TEAD1: variants seen among roughly 807,000 people sequenced by gnomAD.
TEAD1 encodes TEA domain transcription factor 1.
A neutral mutation model predicts 54.9 loss-of-function variants in TEAD1; 9 were observed. The observed-to-expected ratio is 0.16, with a 90% CI of 0.10 to 0.29. TEAD1 has a LOEUF of 0.29. Ranked by LOEUF, TEAD1 falls within the 10% of genes least tolerant of loss-of-function variation. The pLI is 1.00. For synonymous variants in TEAD1, 200 were observed against 187.8 expected, an observed-to-expected ratio of 1.07 and a Z score of -0.53; for missense variants, 387 against 535.9, an observed-to-expected ratio of 0.72 and a Z score of 2.74.
chr11:12,881,076 T>G (rs761116266), intron 7 of TEAD1, 25 bp downstream of exon 7: 2 of 1,613,716 alleles, frequency 1.2e-6, no homozygotes, highest in Non-Finnish European at 1.7e-6. Context: ...GGGTGGGCAC[T>G]GACAACTACG....
intron 3 of TEAD1, among the ~76,000 whole-genome samples, chr11:12,812,463 A>G (rs1946322978): frequency 6.6e-6 from 1 of 152,196 alleles, no homozygotes; most frequent in Non-Finnish European, 1.5e-5. Flanking sequence ...ATCCTGCAAG[A>G]GCTCAGAGCC....
rs112773734 is a variant in TEAD1, at chr11:12,927,610, C to T, written c.1014+2558C>T. Among the ~76,000 whole-genome samples, 691 of 152,206 alleles carry T rather than the reference C, an allele frequency of 4.5e-3. 4 individuals carry two copies. The highest frequency in any genetic ancestry group is 0.016 in the African/African-American group (661 of 41,532). ...TGTTTGAGCAATCTAATTGTAATTG[C>T]ATCAAACTTAGATGTTCTTTTGGAA... On this transcript the variant is annotated intron_variant, in intron 11 of 12. Transcript: ENST00000527636.
At chr11:12,705,633 G>A (rs1322892405) in intron 2 of TEAD1, among the ~76,000 whole-genome samples, 1 of 152,128 alleles carries the variant, frequency 6.6e-6, no homozygotes, top group African/African-American at 2.4e-5. Flanking sequence ...AAGATTGCAG[G>A]AATGATGGTT....
At chr11:12,830,752 ACACATGCACGCACACG>A (rs1000536152) in intron 3 of TEAD1, among the ~76,000 whole-genome samples, 15 of 151,632 alleles carry the variant, frequency 9.9e-5, no homozygotes, top group Non-Finnish European at 2.1e-4. Flanking sequence ...TCACACACAC[ACACATGCACGCACACG>A]CACATGCACA....
At chr11:12,699,068 A>G (rs1199352951) in intron 2 of TEAD1, among the ~76,000 whole-genome samples, 1 of 152,226 alleles carries the variant, frequency 6.6e-6, no homozygotes, top group East Asian at 1.9e-4. Context: ...GGTATATTTT[A>G]TATAATTGGA....
chr11:12,920,776 G>T (rs1455894297), intron 10 of TEAD1, among the ~76,000 whole-genome samples: 1 of 152,178 alleles, frequency 6.6e-6, no homozygotes, highest in Non-Finnish European at 1.5e-5. Flanking sequence ...TTGAAAGAAA[G>T]AAAAATAATT....
chr11:12,905,680 A>G (rs996900652), intron 10 of TEAD1, among the ~76,000 whole-genome samples: 1 of 152,172 alleles, frequency 6.6e-6, no homozygotes, highest in Non-Finnish European at 1.5e-5. Flanking sequence ...TCTTTTAGCA[A>G]TATGCTTAGC....
At chr11:12,937,019 GTTC>G in intron 12 of TEAD1, 87 bp from the exon 13 acceptor site, 1 of 883,720 alleles carries the variant, frequency 1.1e-6, no homozygotes, top group South Asian at 1.4e-5. Context: ...CTTAAGACTT[GTTC>G]TTCTCCAATT....
chr11:12,822,441 G>A (rs1946572415), intron 3 of TEAD1: 1 of 152,244 alleles, frequency 6.6e-6, no homozygotes, highest in Non-Finnish European at 1.5e-5. Flanking sequence ...GGGATAGTGT[G>A]TGGTGTCCAC....
At chr11:12,902,257 C>A in intron 10 of TEAD1, 144 bp downstream of exon 10, 1 of 1,146,666 alleles carries the variant, frequency 8.7e-7, no homozygotes, top group South Asian at 1.2e-5. Flanking sequence ...GGAGCACGGA[C>A]TCACACCTGT....
At chr11:12,705,117 T>A (rs1309928812) in intron 2 of TEAD1, among the ~76,000 whole-genome samples, 1 of 152,240 alleles carries the variant, frequency 6.6e-6, no homozygotes, top group African/African-American at 2.4e-5. Context: ...GCTGAACTTG[T>A]TGCTTGGCTG....
chr11:12,921,481 G>A (rs1023158948), intron 10 of TEAD1, among the ~76,000 whole-genome samples: 3 of 150,026 alleles, frequency 2.0e-5, no homozygotes, highest in South Asian at 2.1e-4. Flanking sequence ...CAGAGGTTGC[G>A]GTGAGCCAAG....
intron 2 of TEAD1, among the ~76,000 whole-genome samples, chr11:12,731,022 C>T (rs758569811): frequency 6.6e-5 from 10 of 151,976 alleles, no homozygotes; most frequent in East Asian, 1.9e-4. Flanking sequence ...ATAGTTCTAA[C>T]GCATCCTGGA....
chr11:12,726,491 T>C (rs372985176), intron 2 of TEAD1, among the ~76,000 whole-genome samples: 7 of 152,284 alleles, frequency 4.6e-5, no homozygotes, highest in African/African-American at 1.7e-4. Flanking sequence ...AGGTGGCTAA[T>C]CTGGGTTGGG....
chr11:12,873,000 C>T (rs1947784707), intron 5 of TEAD1, among the ~76,000 whole-genome samples: 1 of 152,204 alleles, frequency 6.6e-6, no homozygotes, highest in Non-Finnish European at 1.5e-5. Flanking sequence ...CTTAGAGTCA[C>T]AAGTCTGAAG....
intron 9 of TEAD1, among the ~76,000 whole-genome samples, chr11:12,890,262 A>C (rs1948172028): frequency 6.6e-6 from 1 of 152,174 alleles, no homozygotes; most frequent in Admixed American, 6.5e-5. Flanking sequence ...AAAAGTTAAA[A>C]ACAGCTGCCT....
intron 5 of TEAD1, among the ~76,000 whole-genome samples, chr11:12,877,045 CA>C (rs1427926774): frequency 6.6e-6 from 1 of 151,942 alleles, no homozygotes; most frequent in Non-Finnish European, 1.5e-5. Context: ...TGACATGTTT[CA>C]AATCTTAAAA....
At chr11:12,704,423 C>G (rs1943769308) in intron 2 of TEAD1, among the ~76,000 whole-genome samples, 1 of 152,236 alleles carries the variant, frequency 6.6e-6, no homozygotes, top group African/African-American at 2.4e-5. Flanking sequence ...CTTGCAGCAG[C>G]CTTTTTGCCT....
In TEAD1 at chr11:12,943,169, G is replaced by T. The variant is rs1157606090; in HGVS notation, c.*5947G>T. 2.0e-5 allele frequency: 3 copies of T among 152,162 alleles called. No homozygotes were observed. Among genetic ancestry groups the T allele is most frequent in the African/African-American group, 7.2e-5 (3 of 41,434 alleles). The allele number at this position is 152,162 out of a possible 1,614,324, so 9.4% of individuals were successfully genotyped here. A position where few individuals can be genotyped will look rare whatever the true frequency, so the allele number is the denominator to read the frequency against. On this transcript the variant is annotated 3_prime_UTR_variant, in exon 13 of 13. Transcript: ENST00000527636. ...GATTCTTATCCACTCCAAGTTGTAA[G>T]TATTTGTAGAAATTTGTGCAAACAA... is the stretch of plus-strand genomic sequence containing the variant.
Sources: allele counts gnomAD v4.1 joint callset (sites outside exome capture counted in the v4.1 genomes callset), GRCh38; gene constraint gnomAD v4.1.1; transcripts MANE v1.5; gene names NCBI Gene and HGNC (gene_info 2026-07-23, HGNC 2026-07-21).